FAAP100: variants seen among roughly 807,000 people sequenced by gnomAD.
The protein encoded by FAAP100 is FA core complex associated protein 100, also known as Fanconi anemia core complex-associated protein 100.
FAAP100 carries 46 observed loss-of-function variants against 65.8 expected under a neutral mutation model. That is an observed-to-expected ratio of 0.70 (90% CI 0.55 to 0.89). The LOEUF is 0.89. Among genes scored for constraint, FAAP100 ranks in the 40% least tolerant of loss-of-function variants. The probability of loss-of-function intolerance (pLI) is 0.00; values close to 1 mark genes in which losing one functional copy is unlikely to be tolerated. For synonymous variants in FAAP100, 663 were observed against 555.1 expected, an observed-to-expected ratio of 1.19 and a Z score of -2.73; for missense variants, 1,165 against 1,196.7, an observed-to-expected ratio of 0.97 and a Z score of 0.39.
At position 81,549,287 on chromosome 17, in the gene FAAP100, G is replaced by A. The variant is rs140468020; in HGVS notation, c.1322C>T (p.Pro441Leu). ...CTCTGTGGTCATCCTGGCTGGGCCA[G>A]GCATCTCAGAGTCCAGGTCCAGGCT... The part of the protein sequence containing the change: ...TCSLDLDSEM[P>L]GPARMTTESA... Residue 441 changes from proline to leucine, a missense_variant, in exon 4 of 9, where the codon CCT becomes CTT. Coordinates refer to ENST00000327787, the MANE Select transcript of FAAP100 (RefSeq NM_025161.6). 1 of 1,613,214 alleles carries A rather than the reference G, an allele frequency of 6.2e-7. No homozygotes were observed. The highest frequency in any genetic ancestry group is 8.5e-7 in the Non-Finnish European group (1 of 1,180,006).
rs531591809 is a variant in FAAP100, at chr17:81,540,722, G to A, written c.*97C>T. On this transcript the variant is annotated 3_prime_UTR_variant, in exon 9 of 9. Transcript: ENST00000327787. ...AGGTCCTACCTTCCCTGACGGCTCT[G>A]GCCAGGCCAGCTCGGTTTCCCTCTA... The A allele has an allele frequency of 4.2e-5, 59 of 1,388,620 alleles. 1 individual carries two copies. The highest frequency in any genetic ancestry group is 5.1e-5 in the Non-Finnish European group (54 of 1,065,762). 86.0% of individuals were successfully genotyped at this position (1,388,620 alleles called of 1,614,324 possible).
rs748485578 is a variant in FAAP100, at chr17:81,549,197, G to T, written c.1403+9C>A. 26 of 1,611,440 alleles carry T rather than the reference G, an allele frequency of 1.6e-5. No individual in the cohort carries two copies. The highest frequency in any genetic ancestry group is 2.1e-5 in the Non-Finnish European group (25 of 1,179,894). ...CCAGCCTCTACCCGGTCCGAGCTGAGCTGCTCACCTCTCAGAGATGTTGCC... is the reference window on the plus strand; with the variant it reads ...CCAGCCTCTACCCGGTCCGAGCTGATCTGCTCACCTCTCAGAGATGTTGCC... On this transcript the variant is annotated intron_variant, in intron 4 of 8. Coordinates refer to ENST00000327787, the MANE Select transcript of FAAP100 (RefSeq NM_025161.6).
chr17:81,544,910 T>C (rs972862789), intron 6 of FAAP100, among the ~76,000 whole-genome samples: 2 of 152,070 alleles, frequency 1.3e-5, no homozygotes, highest in Non-Finnish European at 2.9e-5. Flanking sequence ...GGCTCACGCC[T>C]GTAATCCCAA....
chr17:81,542,023 C>G (rs946035314), intron 7 of FAAP100, among the ~76,000 whole-genome samples: 2 of 150,636 alleles, frequency 1.3e-5, no homozygotes, highest in African/African-American at 4.9e-5. Flanking sequence ...AAAAATTAGC[C>G]GGGCGTAGTG....
At chr17:81,542,826 C>G (rs1321218781) in intron 7 of FAAP100, among the ~76,000 whole-genome samples, 1 of 152,242 alleles carries the variant, frequency 6.6e-6, no homozygotes, top group Non-Finnish European at 1.5e-5. Context: ...GACACAAACC[C>G]AGGGGCTGGA....
chr17:81,545,891 G>A lies in FAAP100; in HGVS notation c.2174-9C>T. On this transcript the variant is annotated splice_polypyrimidine_tract_variant and intron_variant, in intron 5 of 8. Coordinates refer to ENST00000327787, the MANE Select transcript of FAAP100 (RefSeq NM_025161.6). ...ACAGCACAGGGGCACGCCTGGAGGG[G>A]AGGCATCAGCCGAGAGCTCAGCCTG... The A allele has an allele frequency of 6.2e-7, 1 of 1,602,754 alleles. No homozygotes were observed. The highest frequency in any genetic ancestry group is 2.2e-5 in the East Asian group (1 of 44,864).
At chr17:81,549,606 G>A (rs768013820) in intron 3 of FAAP100, among the ~76,000 whole-genome samples, 7 of 152,210 alleles carry the variant, frequency 4.6e-5, no homozygotes, top group East Asian at 1.9e-4. Flanking sequence ...ACAGTCTGGC[G>A]TTTCCCTTCA....
Position 81,550,927 on chromosome 17 carries a change from T to A in FAAP100, c.567A>T (p.Ala189=), listed in dbSNP as rs1430523552. 6.2e-7 allele frequency: 1 copy of A among 1,612,370 alleles called. No individual in the cohort carries two copies. The highest frequency in any genetic ancestry group is 8.5e-7 in the Non-Finnish European group (1 of 1,179,754). ...TPPAGVPGKP[A]APHFLPVLCS... ...ACAGCACTGGAAGGAAGTGGGGGGCTGCAGGCTTTCCTGGGACCCCGGCTG... is the reference window on the plus strand; with the variant it reads ...ACAGCACTGGAAGGAAGTGGGGGGCAGCAGGCTTTCCTGGGACCCCGGCTG... The change falls in exon 3 of 9, where the codon GCA becomes GCT. Residue 189 remains alanine (A), a synonymous_variant. Transcript: ENST00000327787.
chr17:81,550,573 C>T lies in FAAP100; in HGVS notation c.921G>A (p.Val307=). Residue 307 remains valine (V), a synonymous_variant, in exon 3 of 9, where the codon GTG becomes GTA. Coordinates refer to ENST00000327787, the MANE Select transcript of FAAP100 (RefSeq NM_025161.6). ...AAENFLPDED[V]HCDCLVAFGH... ...CAAAGGCCACCAGGCAGTCACAGTG[C>T]ACATCCTCGTCAGGCAGAAAATTCT... The T allele has an allele frequency of 2.5e-6, 4 of 1,612,946 alleles. No individual in the cohort carries two copies. Among genetic ancestry groups the T allele is most frequent in the Non-Finnish European group, 3.4e-6 (4 of 1,180,036 alleles).
upstream of FAAP100, chr17:81,552,426 C>T: frequency 1.7e-6 from 2 of 1,163,454 alleles, no homozygotes; most frequent in Non-Finnish European, 2.2e-6. Flanking sequence ...GGCGCGACCT[C>T]CGCCGTAAAG....
At position 81,550,696 on chromosome 17, in the gene FAAP100, AC is replaced by A; in HGVS notation, c.797del (p.Gly266ValfsTer20). On this transcript the variant is annotated frameshift_variant, in exon 3 of 9. Coordinates refer to ENST00000327787, the MANE Select transcript of FAAP100 (RefSeq NM_025161.6). LOFTEE classifies it high-confidence loss of function. ...KALVTSRSAPGDPNALVKILH... is the reference protein window; with the variant it reads ...KALVTSRSAPXDPNALVKILH... ...GGATCTTGACAAGGGCATTTGGGTC[AC>A]CAGGGGCTGACCTGGAGGTGACCAG... 1 of 1,613,012 alleles carries A rather than the reference AC, an allele frequency of 6.2e-7. No homozygotes were observed.
At chr17:81,541,275 G>A (rs1275468473) in intron 8 of FAAP100, 34 bp downstream of exon 8, 1 of 1,581,888 alleles carries the variant, frequency 6.3e-7, no homozygotes, top group Non-Finnish European at 8.6e-7. Context: ...GGCTACCCAG[G>A]GGAAGGGGAC....
chr17:81,549,964 C>A (rs1394302658), intron 3 of FAAP100, among the ~76,000 whole-genome samples: 2 of 152,176 alleles, frequency 1.3e-5, no homozygotes, highest in Non-Finnish European at 2.9e-5. Flanking sequence ...CGGTGGACCC[C>A]CAAGATGCAG....
At chr17:81,552,383 C>T, upstream of FAAP100, 1 of 1,303,168 alleles carries the variant, frequency 7.7e-7, no homozygotes. Context: ...GCGGCGGCTC[C>T]GCCTCGGAGC....
intron 7 of FAAP100, among the ~76,000 whole-genome samples, chr17:81,542,501 G>A (rs1007158702): frequency 1.1e-4 from 17 of 152,186 alleles, no homozygotes. Context: ...TGGCCTGCCG[G>A]GGGCTCCAGA....
chr17:81,545,125 G>A (rs1355675125), intron 6 of FAAP100, among the ~76,000 whole-genome samples: 1 of 152,168 alleles, frequency 6.6e-6, no homozygotes, highest in Non-Finnish European at 1.5e-5. Context: ...AGTCAAAATC[G>A]CACCACTGGA....
At chr17:81,546,123 G>A (rs1241934695) in intron 5 of FAAP100, among the ~76,000 whole-genome samples, 1 of 152,234 alleles carries the variant, frequency 6.6e-6, no homozygotes, top group Non-Finnish European at 1.5e-5. Context: ...GTTACGATCT[G>A]TGGAAGGTGA....
At position 81,540,597 on chromosome 17, in the gene FAAP100, C is replaced by T. The variant is rs888483428; in HGVS notation, c.*222G>A. 1.1e-5 allele frequency: 6 copies of T among 549,626 alleles called. No individual in the cohort carries two copies. The highest frequency in any genetic ancestry group is 5.8e-5 in the African/African-American group (3 of 51,934). 34.0% of individuals were successfully genotyped at this position (549,626 alleles called of 1,614,324 possible). The stretch of plus-strand genomic sequence containing the variant: ...ACCAGCAGAGGACGCGAAGCTGGAC[C>T]GGCCAGGTTCAGAGCCCGCCTCGGT... On this transcript the variant is annotated 3_prime_UTR_variant, in exon 9 of 9. Coordinates refer to ENST00000327787, the MANE Select transcript of FAAP100 (RefSeq NM_025161.6).
intron 6 of FAAP100, among the ~76,000 whole-genome samples, chr17:81,545,339 G>A (rs888486520): frequency 1.3e-5 from 2 of 152,254 alleles, no homozygotes; most frequent in African/African-American, 4.8e-5. Context: ...GTGCACGACA[G>A]GGGCTGGAGA....
Sources: allele counts gnomAD v4.1 joint callset (sites outside exome capture counted in the v4.1 genomes callset), GRCh38; gene constraint gnomAD v4.1.1; transcripts MANE v1.5; gene names NCBI Gene and HGNC (gene_info 2026-07-23, HGNC 2026-07-21).